Variants in DHRS7B observed in about 807,000 individuals in gnomAD.
The protein encoded by DHRS7B is dehydrogenase/reductase 7B, also known as peroxisomal reductase activating PPAR-gamma.
Under a neutral mutation model 26.4 loss-of-function variants are expected in DHRS7B, and 24 were observed. The ratio of observed to expected loss-of-function variants is 0.91; its 90% CI spans 0.66 to 1.28. DHRS7B has a LOEUF of 1.28. Among genes scored for constraint, DHRS7B ranks in the 50% most tolerant of loss-of-function variants. The probability of loss-of-function intolerance (pLI) is 0.00; values close to 1 mark genes in which losing one functional copy is unlikely to be tolerated. For missense variants in DHRS7B, 368 were observed against 419.4 expected, an observed-to-expected ratio of 0.88 and a Z score of 1.07; for synonymous variants, 142 against 166.4, an observed-to-expected ratio of 0.85 and a Z score of 1.13.
chr17:21,152,241 G>A (rs1973787984), intron 1 of DHRS7B, among the ~76,000 whole-genome samples: 1 of 151,258 alleles, frequency 6.6e-6, no homozygotes, highest in Non-Finnish European at 1.5e-5. Flanking sequence ...TGTAGCCTCA[G>A]CCTCCTGGGC....
chr17:21,173,829 C>G (rs999354357), intron 2 of DHRS7B, among the ~76,000 whole-genome samples: 4 of 152,152 alleles, frequency 2.6e-5, no homozygotes, highest in Admixed American at 2.6e-4. Context: ...TTGTGAAAGT[C>G]CTTGAAGAGC....
At position 21,187,423 on chromosome 17, in the gene DHRS7B, A is replaced by C. The variant is rs142061239; in HGVS notation, c.620-1288A>C. On this transcript the variant is annotated intron_variant, in intron 5 of 6. Transcript: ENST00000395511. ...GGTGCATCACGAGGTCAGTAGATCC[A>C]GACCATCCTGGCTAACATAGTGAAA... 7.1e-3 allele frequency among the ~76,000 whole-genome samples: 1,074 copies of C among 152,080 alleles called. 15 individuals carry two copies. The highest frequency in any genetic ancestry group is 0.023 in the African/African-American group (954 of 41,494).
At chr17:21,141,584 C>T (rs1389580502) in intron 1 of DHRS7B, among the ~76,000 whole-genome samples, 1 of 122,280 alleles carries the variant, frequency 8.2e-6, no homozygotes, top group African/African-American at 3.1e-5. Flanking sequence ...AGGGATGAGT[C>T]TCAGGCTGAA....
rs1429452660 is a variant in DHRS7B, at chr17:21,138,129, C to CACACACACACACAT, written c.20+11141_20+11142insCACACACACATACA. 4.5e-3 allele frequency among the ~76,000 whole-genome samples: 624 copies of CACACACACACACAT among 139,902 alleles called. 7 individuals are homozygous for CACACACACACACAT. Among genetic ancestry groups the CACACACACACACAT allele is most frequent in the African/African-American group, 0.016 (573 of 36,818 alleles). 91.8% of individuals were successfully genotyped at this position (139,902 alleles called of 152,430 possible). ...ACACACACACACACACACACACACA[C>CACACACACACACAT]ACATATATTTATTGCGACTTATACT... On this transcript the variant is annotated intron_variant, in intron 1 of 6. Coordinates refer to ENST00000395511, the MANE Select transcript of DHRS7B (RefSeq NM_015510.5).
At chr17:21,149,664 T>C (rs1277377586) in intron 1 of DHRS7B, among the ~76,000 whole-genome samples, 1 of 152,156 alleles carries the variant, frequency 6.6e-6, no homozygotes, top group Non-Finnish European at 1.5e-5. Context: ...ATATTTTTCT[T>C]TGTTTCTTTG....
At chr17:21,183,896 C>T (rs1334999524) in intron 4 of DHRS7B, 86 bp downstream of exon 4, 1 of 1,150,032 alleles carries the variant, frequency 8.7e-7, no homozygotes, top group Non-Finnish European at 1.3e-6. Context: ...TAAACGTTCC[C>T]CATCTCCATC....
chr17:21,183,759 G>C lies in DHRS7B; in HGVS notation c.475G>C (p.Asp159His), dbSNP rs200571409. The C allele has an allele frequency of 7.4e-5, 120 of 1,614,112 alleles. No homozygotes were observed. The Admixed American group carries it at 1.0e-3, about 13-fold the overall frequency. ...CATCATGGACACCACAGTGGATGTG[G>C]ACAAGAGGGTCATGGAGACAAACTA... ...GTIMDTTVDV[D>H]KRVMETNYFG... The change falls in exon 4 of 7, where the codon GAC (aspartate) becomes CAC (histidine). Residue 159 changes from aspartate (D) to histidine (H), a missense_variant. Physicochemically the swap from Asp to His is moderately conservative, Grantham distance 81. Transcript: ENST00000395511.
intron 1 of DHRS7B, chr17:21,171,755 A>T (rs1974252320): frequency 3.4e-6 from 2 of 585,728 alleles, no homozygotes; most frequent in East Asian, 6.4e-5. Context: ...CCTAGGCTGA[A>T]TGGCAATCTC....
intron 5 of DHRS7B, among the ~76,000 whole-genome samples, chr17:21,188,271 C>T (rs1036956554): frequency 6.6e-6 from 1 of 152,150 alleles, no homozygotes; most frequent in Admixed American, 6.5e-5. Flanking sequence ...CTTATTCTCT[C>T]TCTCTGTGTA....
chr17:21,152,410 C>G (rs1973791716), intron 1 of DHRS7B, among the ~76,000 whole-genome samples: 1 of 152,342 alleles, frequency 6.6e-6, no homozygotes, highest in Admixed American at 6.5e-5. Context: ...CTGCCTCAGC[C>G]TCCCAAAGTG....
At chr17:21,138,839 C>T (rs1261672150) in intron 1 of DHRS7B, among the ~76,000 whole-genome samples, 1 of 151,836 alleles carries the variant, frequency 6.6e-6, no homozygotes, top group Admixed American at 6.6e-5. Context: ...TAATTAAATA[C>T]CTATTATTTA....
At chr17:21,151,597 A>C (rs1262446857) in intron 1 of DHRS7B, among the ~76,000 whole-genome samples, 1 of 152,086 alleles carries the variant, frequency 6.6e-6, no homozygotes, top group Non-Finnish European at 1.5e-5. Context: ...TCTTTGATAC[A>C]TCAGAGACAT....
rs1458286404 is a variant in DHRS7B, at chr17:21,139,686, AT to A, written c.20+12696del. ...CGAGACTCCATCTCAAAAAAAAAAA[AT>A]AAATAAATAAAAGAAATTGCTTGAT... On this transcript the variant is annotated intron_variant, in intron 1 of 6. Transcript: ENST00000395511. 3.7e-4 allele frequency among the ~76,000 whole-genome samples: 56 copies of A among 152,116 alleles called. 1 individual carries two copies. Among genetic ancestry groups the A allele is most frequent in the African/African-American group, 1.3e-3 (54 of 41,488 alleles).
intron 1 of DHRS7B, among the ~76,000 whole-genome samples, chr17:21,136,867 T>C (rs1398823769): frequency 6.6e-6 from 1 of 152,106 alleles, no homozygotes; most frequent in East Asian, 1.9e-4. Context: ...AAAAAAGTTT[T>C]TTAATCTCAG....
intron 1 of DHRS7B, chr17:21,171,546 T>G: frequency 4.0e-6 from 1 of 251,316 alleles, no homozygotes; most frequent in East Asian, 1.0e-4. Flanking sequence ...GTCCTCTGAG[T>G]GTCTGCTCTG....
intron 5 of DHRS7B, among the ~76,000 whole-genome samples, chr17:21,187,825 T>A (rs1053997529): frequency 4.0e-5 from 5 of 124,250 alleles, no homozygotes; most frequent in African/African-American, 9.2e-5. Flanking sequence ...TTTTTGTTTT[T>A]AACTTTTATT....
chr17:21,165,713 C>T (rs1017918327), intron 1 of DHRS7B, among the ~76,000 whole-genome samples: 8 of 151,882 alleles, frequency 5.3e-5, no homozygotes, highest in African/African-American at 1.9e-4. Context: ...GTCAGGAGTT[C>T]GAGACCAGCC....
intron 1 of DHRS7B, among the ~76,000 whole-genome samples, chr17:21,137,670 T>C (rs1973376840): frequency 6.6e-6 from 1 of 152,112 alleles, no homozygotes; most frequent in African/African-American, 2.4e-5. Flanking sequence ...TTGGTCAGGC[T>C]GGTCTCGAAC....
Position 21,190,989 on chromosome 17 carries a change from G to A in DHRS7B, c.814G>A (p.Val272Met), listed in dbSNP as rs779841254. The A allele has an allele frequency of 5.0e-6, 8 of 1,614,164 alleles. No homozygotes were observed. In the Admixed American group the frequency reaches 1.3e-4, roughly 27 times the overall value. ...AGCCCAGGGCCGAAGCCCTGTGGAG[G>A]TGGCCCAGGATGTTCTTGCTGCTGT... ...TTAQGRSPVEVAQDVLAAVGK... is the reference protein window; with the variant it reads ...TTAQGRSPVEMAQDVLAAVGK... The change falls in exon 7 of 7, where the codon GTG becomes ATG. Residue 272 changes from valine to methionine, a missense_variant. Coordinates refer to ENST00000395511, the MANE Select transcript of DHRS7B (RefSeq NM_015510.5).
Sources: gnomAD v4.1 joint callset for allele counts (sites outside exome capture counted in the v4.1 genomes callset) on GRCh38, gnomAD v4.1.1 for gene constraint, MANE v1.5 for transcripts, NCBI Gene and HGNC (gene_info 2026-07-23, HGNC 2026-07-21) for gene names.